DNAJC7: variants seen among roughly 807,000 people sequenced by gnomAD.
DNAJC7 encodes the protein dnaJ homolog subfamily C member 7.
Under a neutral mutation model 67.4 loss-of-function variants are expected in DNAJC7, and 18 were observed. That is an observed-to-expected ratio of 0.27 (90% CI 0.18 to 0.40). The LOEUF is 0.40. DNAJC7 is among the 10% of genes least tolerant of loss of function. DNAJC7 has a pLI of 1.00. For missense variants in DNAJC7, 419 were observed against 613.8 expected, an observed-to-expected ratio of 0.68 and a Z score of 3.35; for synonymous variants, 220 against 207.8, an observed-to-expected ratio of 1.06 and a Z score of -0.50.
intron 1 of DNAJC7, chr17:42,013,179 C>A (rs999691224): frequency 5.3e-5 from 8 of 152,216 alleles, no homozygotes; most frequent in African/African-American, 1.9e-4. Flanking sequence ...CTTAAGCGAT[C>A]CTCTCATTTT....
At position 41,989,529 on chromosome 17, in the gene DNAJC7, C is replaced by A; in HGVS notation, c.628G>T (p.Ala210Ser). Residue 210 changes from alanine (A) to serine (S), a missense_variant, in exon 7 of 14, where the codon GCA becomes TCA. This residue lies in a region of DNAJC7 where 179 missense variants were observed against 249.7 expected (regional missense o/e 0.72). Coordinates refer to ENST00000457167, the MANE Select transcript of DNAJC7 (RefSeq NM_003315.4). ...AGACCTCGTACATACAGAGCATCTG[C>A]ATTGGTGGAATCCATTCGTAGAATG... ...SDILRMDSTNADALYVRGLCL... is the reference protein window; with the variant it reads ...SDILRMDSTNSDALYVRGLCL... The A allele has an allele frequency of 6.2e-7, 1 of 1,614,016 alleles. No homozygotes were observed. The highest frequency in any genetic ancestry group is 8.5e-7 in the Non-Finnish European group (1 of 1,179,904).
At chr17:42,014,333 AT>A (rs1467854700) in intron 1 of DNAJC7, 1 of 141,090 alleles carries the variant, frequency 7.1e-6, no homozygotes, top group Non-Finnish European at 1.6e-5. Flanking sequence ...ACGCCCAGCT[AT>A]TTTTTCTATT....
rs572371941 is a variant in DNAJC7 at position 41,977,004 on chromosome 17, G to C, written c.1448-234C>G. 3.3e-5 allele frequency: 21 copies of C among 643,868 alleles called. 1 individual carries two copies. The Admixed American group carries it at 5.9e-4, about 18-fold the overall frequency. 39.9% of individuals were successfully genotyped at this position (643,868 alleles called of 1,614,324 possible). On this transcript the variant is annotated intron_variant, in intron 13 of 13. Coordinates refer to ENST00000457167, the MANE Select transcript of DNAJC7 (RefSeq NM_003315.4). ...TATATAGTACCTTTGCTCTTGCAGA[G>C]AAGCCTTGGTACTAGGCAGTTAGAG...
Position 41,998,757 on chromosome 17 carries a change from T to G in DNAJC7, c.167-1518A>C, listed in dbSNP as rs2051726245. Among the ~76,000 whole-genome samples, 3 of 152,244 alleles carry G rather than the reference T, an allele frequency of 2.0e-5. No homozygotes were observed. The South Asian group carries it at 6.2e-4, about 31-fold the overall frequency. ...GGAGATAACTAAGACTTCTTTTATG[T>G]ACAAAGGCCATTTTCTAAGGTAGTA... On this transcript the variant is annotated intron_variant, in intron 2 of 13. Coordinates refer to ENST00000457167, the MANE Select transcript of DNAJC7 (RefSeq NM_003315.4).
chr17:41,978,179 CT>C (rs1480207066), intron 12 of DNAJC7, among the ~76,000 whole-genome samples: 2 of 152,182 alleles, frequency 1.3e-5, no homozygotes, highest in African/African-American at 4.8e-5. Context: ...GCTCTGTGCA[CT>C]TTTGCAAGGC....
At chr17:41,978,577 C>T (rs1373588695) in intron 12 of DNAJC7, among the ~76,000 whole-genome samples, 3 of 152,246 alleles carry the variant, frequency 2.0e-5, no homozygotes, top group East Asian at 1.9e-4. Flanking sequence ...TAAAACTTCA[C>T]GGCTGGCCGT....
At chr17:41,981,767 A>C (rs1555646001) in intron 12 of DNAJC7, 88 bp downstream of exon 12, 1 of 1,548,234 alleles carries the variant, frequency 6.5e-7, no homozygotes. Flanking sequence ...ATTTGGCCCA[A>C]ATAGACTCTC....
intron 1 of DNAJC7, chr17:42,013,467 C>T (rs953970396): frequency 7.9e-5 from 12 of 152,182 alleles, no homozygotes; most frequent in African/African-American, 2.9e-4. Flanking sequence ...TAAGCCAAGA[C>T]GTAAGGAAGG....
rs369152865 is a variant in DNAJC7 at position 41,995,730 on chromosome 17, G to A, written c.405+581C>T. On this transcript the variant is annotated intron_variant, in intron 4 of 13. Transcript: ENST00000457167. ...ACAAAATGTATGCCTGTCATTAAGC[G>A]ACACATACTATATATGGAGATGGAA... is the stretch of plus-strand genomic sequence containing the variant. Among the ~76,000 whole-genome samples, 67 of 152,304 alleles carry A rather than the reference G, an allele frequency of 4.4e-4. No individual in the cohort carries two copies. In the South Asian group the frequency reaches 0.012, roughly 28 times the overall value.
intron 1 of DNAJC7, among the ~76,000 whole-genome samples, chr17:42,005,579 T>G (rs1555650074): frequency 6.6e-6 from 1 of 152,224 alleles, no homozygotes; most frequent in Non-Finnish European, 1.5e-5. Flanking sequence ...ATTTGCAGAT[T>G]ATTAAAACAG....
intron 2 of DNAJC7, 113 bp downstream of exon 2, chr17:42,000,369 T>G: frequency 7.0e-6 from 5 of 719,070 alleles, no homozygotes; most frequent in Non-Finnish European, 1.1e-5. Context: ...TCCTCCTGCT[T>G]TGGCCTCCCA....
rs12938194 is a variant in DNAJC7 at position 41,981,235 on chromosome 17, C to T, written c.1384+620G>A. Among the ~76,000 whole-genome samples, 6 of 151,914 alleles carry T rather than the reference C, an allele frequency of 3.9e-5. No homozygotes were observed. In the South Asian group the frequency reaches 6.2e-4, roughly 16 times the overall value. On this transcript the variant is annotated intron_variant, in intron 12 of 13. Transcript: ENST00000457167. ...TAATTGAGACAAAGTCTTGCTCTGT[C>T]GCCCAGGATGGAGTACAGTGGGACA... is the stretch of plus-strand genomic sequence containing the variant.
intron 10 of DNAJC7, among the ~76,000 whole-genome samples, chr17:41,983,244 C>A (rs1435782659): frequency 6.6e-6 from 1 of 152,116 alleles, no homozygotes; most frequent in Admixed American, 6.5e-5. Context: ...CGTGCCCCAG[C>A]CTCCTGAGTG....
At chr17:41,982,756 C>T (rs1425849690) in intron 10 of DNAJC7, among the ~76,000 whole-genome samples, 9 of 152,040 alleles carry the variant, frequency 5.9e-5, no homozygotes, top group Admixed American at 3.3e-4. Flanking sequence ...GTCAGGAGTT[C>T]GGGACTAGCC....
At chr17:42,001,827 C>T (rs781863724) in intron 1 of DNAJC7, among the ~76,000 whole-genome samples, 3 of 152,156 alleles carry the variant, frequency 2.0e-5, no homozygotes, top group Non-Finnish European at 4.4e-5. Flanking sequence ...AGGTGATCCT[C>T]CCTCTCCATT....
chr17:41,993,615 G>C (rs2051568726), intron 5 of DNAJC7, among the ~76,000 whole-genome samples: 2 of 152,230 alleles, frequency 1.3e-5, no homozygotes, highest in Admixed American at 1.3e-4. Context: ...CTGATCAGTG[G>C]TTTTTAACCT....
rs1555647079 is a variant in DNAJC7, at chr17:41,987,683, G to C, written c.1010+136C>G. ...GGTCTATAAAGATAGTCTAGGGCTGGAACAATCCCACCTAGAGGCAGGGGG... is the reference window on the plus strand; with the variant it reads ...GGTCTATAAAGATAGTCTAGGGCTGCAACAATCCCACCTAGAGGCAGGGGG... On this transcript the variant is annotated intron_variant, in intron 9 of 13. Coordinates refer to ENST00000457167, the MANE Select transcript of DNAJC7 (RefSeq NM_003315.4). 4.4e-6 allele frequency: 3 copies of C among 688,536 alleles called. No individual in the cohort carries two copies. In the South Asian group the frequency reaches 5.6e-5, roughly 13 times the overall value. 42.7% of individuals were successfully genotyped at this position (688,536 alleles called of 1,614,324 possible).
At chr17:42,000,440 G>T in intron 2 of DNAJC7, 42 bp downstream of exon 2, 2 of 1,467,602 alleles carry the variant, frequency 1.4e-6, no homozygotes, top group Admixed American at 1.8e-5. Context: ...ATAATATTTG[G>T]CAAGTAAATG....
chr17:41,986,079 A>AAAAAAAAAAAAAG, intron 9 of DNAJC7: 1 of 141,412 alleles, frequency 7.1e-6, no homozygotes, highest in Non-Finnish European at 1.5e-5. Flanking sequence ...AAAAAAAAAA[A>AAAAAAAAAAAAAG]GGCCGGGCGC....
Sources: gnomAD v4.1 joint callset for allele counts (sites outside exome capture counted in the v4.1 genomes callset) on GRCh38, gnomAD v4.1.1 for gene constraint, gnomAD v4.1.1 regional missense constraint, MANE v1.5 for transcripts, NCBI Gene and HGNC (gene_info 2026-07-23, HGNC 2026-07-21) for gene names.